Variants in TTBK2 observed in about 807,000 individuals in gnomAD.
The protein encoded by TTBK2 is tau-tubulin kinase 2.
A neutral mutation model predicts 110.8 loss-of-function variants in TTBK2; 28 were observed. That is an observed-to-expected ratio of 0.25 (90% CI 0.19 to 0.35). The LOEUF (loss-of-function observed/expected upper bound fraction) is 0.35. TTBK2 is among the 10% of genes least tolerant of loss of function. The pLI is 1.00. For synonymous variants in TTBK2, 532 were observed against 527.3 expected (o/e 1.01, Z -0.12); for missense variants, 1,369 against 1,500.3 (o/e 0.91, Z 1.45).
rs531658835 is a variant in TTBK2 at position 42,738,956 on chromosome 15, C to A, written c.*6839G>T. 1 of 152,268 alleles carries A rather than the reference C, an allele frequency of 6.6e-6. No individual in the cohort carries two copies. The highest frequency in any genetic ancestry group is 1.9e-4 in the East Asian group (1 of 5,188). The allele number at this position is 152,268 out of a possible 1,614,324, so 9.4% of individuals were successfully genotyped here. ...TTTCCACTTTTGAAATCCAGACCAT[C>A]ACACAAACAGAACTAGATTTTGCAT... On this transcript the variant is annotated 3_prime_UTR_variant, in exon 15 of 15. Transcript: ENST00000267890.
At chr15:42,763,179 T>TATAC (rs1205194910) in intron 13 of TTBK2, among the ~76,000 whole-genome samples, 349 of 22,354 alleles carry the variant, frequency 0.016, 6 homozygotes, top group Non-Finnish European at 0.023. Context: ...TATATATATA[T>TATAC]ATATATATAT....
chr15:42,763,192 ATTTTTTTTTTTTTTTTTTTTTTT>A (rs1183545103), intron 13 of TTBK2, among the ~76,000 whole-genome samples: 1 of 13,386 alleles, frequency 7.5e-5, no homozygotes, highest in Non-Finnish European at 1.2e-4. Flanking sequence ...ATATATATAT[ATTTTTTTTTTTTTTTTTTTTTTT>A]TTTTTTTTTT....
chr15:42,866,892 G>A (rs1044814224), intron 3 of TTBK2, among the ~76,000 whole-genome samples: 2 of 152,042 alleles, frequency 1.3e-5, no homozygotes, highest in African/African-American at 4.8e-5. Context: ...AAAATTTCTG[G>A]GATGCACTGA....
At chr15:42,805,941 T>C (rs955318288) in intron 9 of TTBK2, among the ~76,000 whole-genome samples, 3 of 152,212 alleles carry the variant, frequency 2.0e-5, no homozygotes, top group African/African-American at 7.2e-5. Context: ...TAATGTATTA[T>C]ATGATCAAGA....
chr15:42,829,763 TA>T (rs1044998529), intron 5 of TTBK2, among the ~76,000 whole-genome samples, 174 bp downstream of exon 5: 2 of 152,342 alleles, frequency 1.3e-5, no homozygotes, highest in East Asian at 1.9e-4. Flanking sequence ...AATTATCACT[TA>T]AAAAAATTAA....
At chr15:42,754,822 A>T (rs1456959837) in intron 13 of TTBK2, among the ~76,000 whole-genome samples, 1 of 148,856 alleles carries the variant, frequency 6.7e-6, no homozygotes, top group Non-Finnish European at 1.5e-5. Context: ...CAGCCTGGCC[A>T]ACATGGTGAA....
intron 9 of TTBK2, 100 bp from the exon 10 acceptor site, chr15:42,794,901 G>T: frequency 6.6e-7 from 1 of 1,510,612 alleles, no homozygotes; most frequent in Non-Finnish European, 9.1e-7. Flanking sequence ...ATTTTGTAAT[G>T]TGATTTTCTT....
rs909440795 is a variant in TTBK2 at position 42,920,209 on chromosome 15, T to C, written c.-68+229A>G. Among the ~76,000 whole-genome samples, 3 of 152,114 alleles carry C rather than the reference T, an allele frequency of 2.0e-5. No individual in the cohort carries two copies. The East Asian group carries it at 5.8e-4, about 29-fold the overall frequency. On this transcript the variant is annotated intron_variant, in intron 1 of 14. Coordinates refer to ENST00000267890, the MANE Select transcript of TTBK2 (RefSeq NM_173500.4). ...AAGTTCAGTGAAGACACCCAAAGCC[T>C]GGGGCAAAACGAGGCGGCAGCCTTC...
chr15:42,799,684 T>C (rs1891096105), intron 9 of TTBK2, among the ~76,000 whole-genome samples: 2 of 152,138 alleles, frequency 1.3e-5, no homozygotes, highest in South Asian at 4.2e-4. Context: ...GATCCTCCTG[T>C]CTCGGCCTCT....
chr15:42,764,055 A>G (rs780443482), intron 13 of TTBK2, among the ~76,000 whole-genome samples: 39 of 152,358 alleles, frequency 2.6e-4, no homozygotes, highest in East Asian at 1.9e-4. Flanking sequence ...CTGTAATTGC[A>G]TATTATATAC....
chr15:42,851,339 C>A (rs567035514), intron 3 of TTBK2, among the ~76,000 whole-genome samples: 1 of 151,808 alleles, frequency 6.6e-6, no homozygotes, highest in African/African-American at 2.4e-5. Flanking sequence ...ACAGAAAAAG[C>A]AGAAGAAGCA....
At position 42,845,425 on chromosome 15, in the gene TTBK2, G is replaced by T. The variant is rs183848080; in HGVS notation, c.218-4992C>A. On this transcript the variant is annotated intron_variant, in intron 3 of 14. Coordinates refer to ENST00000267890, the MANE Select transcript of TTBK2 (RefSeq NM_173500.4). ...TCACGCCTGTAATCCCTGCACTTTG[G>T]GAGGCCGAGGTGGGTGGATCACCTG... 5.7e-3 allele frequency among the ~76,000 whole-genome samples: 864 copies of T among 151,918 alleles called. 4 individuals carry two copies. Among genetic ancestry groups the T allele is most frequent in the Non-Finnish European group, 9.3e-3 (635 of 67,958 alleles).
intron 3 of TTBK2, among the ~76,000 whole-genome samples, chr15:42,860,515 G>A (rs1292247337): frequency 6.6e-6 from 1 of 152,030 alleles, no homozygotes; most frequent in Non-Finnish European, 1.5e-5. Flanking sequence ...GGGAAGTCAA[G>A]GGGGTTGGAT....
At chr15:42,880,615 G>C (rs1252597010) in intron 1 of TTBK2, among the ~76,000 whole-genome samples, 1 of 152,004 alleles carries the variant, frequency 6.6e-6, no homozygotes, top group Non-Finnish European at 1.5e-5. Context: ...GCTGGTCTCA[G>C]ATTCATGGCC....
At chr15:42,842,771 A>C (rs2141021302) in intron 3 of TTBK2, among the ~76,000 whole-genome samples, 1 of 152,018 alleles carries the variant, frequency 6.6e-6, no homozygotes, top group Non-Finnish European at 1.5e-5. Context: ...TCAACCAGTT[A>C]CAAGACTGTT....
intron 4 of TTBK2, among the ~76,000 whole-genome samples, chr15:42,833,372 T>C (rs563661128): frequency 6.6e-6 from 1 of 152,026 alleles, no homozygotes; most frequent in Non-Finnish European, 1.5e-5. Flanking sequence ...ATTGCTAAAT[T>C]GAAGACATGA....
At chr15:42,915,380 A>G (rs901510204) in intron 1 of TTBK2, among the ~76,000 whole-genome samples, 3 of 152,252 alleles carry the variant, frequency 2.0e-5, no homozygotes, top group Admixed American at 1.3e-4. Flanking sequence ...ATTTTACTTA[A>G]TAATGGCCCT....
At chr15:42,830,730 G>C (rs2140988021) in intron 4 of TTBK2, among the ~76,000 whole-genome samples, 2 of 151,890 alleles carry the variant, frequency 1.3e-5, no homozygotes, top group Non-Finnish European at 2.9e-5. Context: ...ATCAGGCCAG[G>C]AGCAGTGGCT....
rs183133512 is a variant in TTBK2 at position 42,853,829 on chromosome 15, C to T, written c.218-13396G>A. Among the ~76,000 whole-genome samples, 218 of 151,704 alleles carry T rather than the reference C, an allele frequency of 1.4e-3. 1 individual carries two copies. Among genetic ancestry groups the T allele is most frequent in the African/African-American group, 4.2e-3 (174 of 41,310 alleles). On this transcript the variant is annotated intron_variant, in intron 3 of 14. Coordinates refer to ENST00000267890, the MANE Select transcript of TTBK2 (RefSeq NM_173500.4). Reference sequence around the variant, plus strand: ...CTGGGAGGTGGAGGTTGCAGGGAGCCGAGATGGCACCACTGCACTCCAGCC... The same window carrying T: ...CTGGGAGGTGGAGGTTGCAGGGAGCTGAGATGGCACCACTGCACTCCAGCC...
Sources: allele counts gnomAD v4.1 joint callset (sites outside exome capture counted in the v4.1 genomes callset), GRCh38; gene constraint gnomAD v4.1.1; transcripts MANE v1.5; gene names NCBI Gene and HGNC (gene_info 2026-07-23, HGNC 2026-07-21).